Variants in FANCI observed in about 807,000 individuals in gnomAD.
FANCI encodes the protein Fanconi anemia group I protein.
FANCI carries 156 observed loss-of-function variants against 176.1 expected under a neutral mutation model. The observed-to-expected ratio is 0.89, with a 90% CI of 0.78 to 1.01. The LOEUF (loss-of-function observed/expected upper bound fraction) is 1.01, where lower values mean the gene tolerates loss of function less well. FANCI is among the 50% of genes least tolerant of loss of function. FANCI has a pLI of 0.00. For synonymous variants in FANCI, 613 were observed against 541.7 expected, an observed-to-expected ratio of 1.13 and a Z score of -1.83; for missense variants, 1,678 against 1,534.1, an observed-to-expected ratio of 1.09 and a Z score of -1.57.
chr15:89,308,061 G>A (rs996859049), intron 34 of FANCI: 3 of 1,133,646 alleles, frequency 2.6e-6, no homozygotes, highest in Middle Eastern at 4.0e-4. Context: ...TGCAGTGAGG[G>A]CACTTTCAGG....
intron 14 of FANCI, 53 bp from the exon 15 acceptor site, chr15:89,281,117 T>A: frequency 6.3e-7 from 1 of 1,586,584 alleles, no homozygotes; most frequent in Non-Finnish European, 8.6e-7. Flanking sequence ...TTTTCTTTTA[T>A]TTCAGTTATC....
chr15:89,292,723 C>T lies in FANCI; in HGVS notation c.2028C>T (p.Ala676=), dbSNP rs16942969. 6.2e-3 allele frequency: 9,932 copies of T among 1,613,680 alleles called. 467 individuals are homozygous for T. In the African/African-American group the frequency reaches 0.11, roughly 17 times the overall value. The change falls in exon 21 of 38, where the codon GCC becomes GCT. Residue 676 remains alanine (A), a synonymous_variant. Transcript: ENST00000310775. ...YLLCCIQHCL[A]WYKNTVIPLQ... ...TGTGTTGTATTCAGCATTGTTTGGCCTGGTATAAGAATACAGTCATACCCT... is the reference window on the plus strand; with the variant it reads ...TGTGTTGTATTCAGCATTGTTTGGCTTGGTATAAGAATACAGTCATACCCT...
chr15:89,245,104 T>A (rs1596199618), intron 1 of FANCI: 1 of 152,140 alleles, frequency 6.6e-6, no homozygotes, highest in Non-Finnish European at 1.5e-5. Flanking sequence ...TAAGAGAGTT[T>A]ACTGGTGCCA....
intron 12 of FANCI, among the ~76,000 whole-genome samples, chr15:89,275,025 C>T (rs1298586019): frequency 6.6e-6 from 1 of 151,854 alleles, no homozygotes; most frequent in Non-Finnish European, 1.5e-5. Context: ...AAGTGATGCT[C>T]CCACCTCAGT....
intron 34 of FANCI, 89 bp from the exon 35 acceptor site, chr15:89,312,815 T>TA: frequency 2.2e-6 from 2 of 893,726 alleles, no homozygotes; most frequent in Non-Finnish European, 3.3e-6. Context: ...AAGCTCTGTC[T>TA]TAAAAAAAAA....
intron 1 of FANCI, among the ~76,000 whole-genome samples, chr15:89,246,763 C>CTTTTTTT (rs35104299): frequency 1.1e-3 from 130 of 113,946 alleles, no homozygotes; most frequent in Non-Finnish European, 1.3e-3. Flanking sequence ...TTCTTCCTTT[C>CTTTTTTT]TTTTTTTTTT....
intron 17 of FANCI, 48 bp downstream of exon 17, chr15:89,283,298 G>A (rs746167515): frequency 9.3e-6 from 15 of 1,611,976 alleles, no homozygotes; most frequent in Non-Finnish European, 1.3e-5. Context: ...TCATTCATGT[G>A]CATCGATGAA....
In FANCI at chr15:89,293,943, G is replaced by A. The variant is rs2054160517; in HGVS notation, c.2402G>A (p.Ser801Asn). The A allele has an allele frequency of 1.2e-6, 2 of 1,614,042 alleles. No homozygotes were observed. The highest frequency in any genetic ancestry group is 8.5e-7 in the Non-Finnish European group (1 of 1,180,026). ...AAAACTAAAATGGCCAACAAGACAAGTGATAGTCTTTTGTCCATGAAATTT... is the reference window on the plus strand; with the variant it reads ...AAAACTAAAATGGCCAACAAGACAAATGATAGTCTTTTGTCCATGAAATTT... ...KAKTKMANKT[S>N]DSLLSMKFVS... The change falls in exon 23 of 38, where the codon AGT becomes AAT. Residue 801 changes from serine to asparagine, a missense_variant. Transcript: ENST00000310775.
In FANCI at chr15:89,316,379, A is replaced by C. The variant is rs764018293; in HGVS notation, c.3925-18A>C. On this transcript the variant is annotated intron_variant, in intron 37 of 37. Transcript: ENST00000310775. ...AGCAGGTTTATCACGTTAGAGCATT[A>C]ATTCTTTCCCCTTCTAGGGCACTGC... is the stretch of plus-strand genomic sequence containing the variant. 2 of 1,608,036 alleles carry C rather than the reference A, an allele frequency of 1.2e-6. No homozygotes were observed. The highest frequency in any genetic ancestry group is 2.2e-5 in the South Asian group (2 of 90,070).
Position 89,295,113 on chromosome 15 carries a change from T to G in FANCI, c.2636+19T>G. ...TAACTCGGTAAGCCACTCCCACCCC[T>G]TAGAAACTTATTCCACTTGGCTGTG... is the stretch of plus-strand genomic sequence containing the variant. On this transcript the variant is annotated intron_variant, in intron 24 of 37. Transcript: ENST00000310775. 2 of 1,548,166 alleles carry G rather than the reference T, an allele frequency of 1.3e-6. No individual in the cohort carries two copies. The highest frequency in any genetic ancestry group is 1.7e-6 in the Non-Finnish European group (2 of 1,146,120).
At chr15:89,270,717 A>G (rs1285132675) in intron 10 of FANCI, among the ~76,000 whole-genome samples, 1 of 152,122 alleles carries the variant, frequency 6.6e-6, no homozygotes, top group Middle Eastern at 3.2e-3. Context: ...TACTGTCATT[A>G]TTTGTTTTGA....
chr15:89,260,387 G>A (rs373267179), intron 3 of FANCI, among the ~76,000 whole-genome samples: 13 of 152,146 alleles, frequency 8.5e-5, no homozygotes, highest in African/African-American at 2.7e-4. Context: ...TTTAAAGAAC[G>A]ATTGCAGAAG....
rs753955677 is a variant in FANCI, at chr15:89,316,845, T to C, written c.*386T>C. 1.3e-6 allele frequency: 2 copies of C among 1,580,124 alleles called. No homozygotes were observed. Among genetic ancestry groups the C allele is most frequent in the East Asian group, 4.5e-5 (2 of 44,714 alleles). On this transcript the variant is annotated 3_prime_UTR_variant, in exon 38 of 38. Transcript: ENST00000310775. The stretch of plus-strand genomic sequence containing the variant: ...CGCTTCACCTGAAAGATAGTGCAAA[T>C]TGGTTAGGATGCCACCTCAAGAACT...
chr15:89,298,723 A>G (rs1011479089), intron 24 of FANCI, among the ~76,000 whole-genome samples: 7 of 152,230 alleles, frequency 4.6e-5, no homozygotes, highest in African/African-American at 1.7e-4. Context: ...TCAGGAAAAG[A>G]GAAGACACAT....
At chr15:89,297,854 C>T (rs1007488237) in intron 24 of FANCI, among the ~76,000 whole-genome samples, 1 of 151,452 alleles carries the variant, frequency 6.6e-6, no homozygotes, top group Non-Finnish European at 1.5e-5. Flanking sequence ...GCAGTGTTGC[C>T]CAGGCTGGCC....
intron 13 of FANCI, 43 bp from the exon 14 acceptor site, chr15:89,278,644 G>A (rs778086194): frequency 6.7e-7 from 1 of 1,502,144 alleles, no homozygotes. Context: ...CTTAAAAGCT[G>A]AAGGGTCACC....
intron 14 of FANCI, among the ~76,000 whole-genome samples, chr15:89,280,371 A>G (rs1249956636): frequency 6.6e-6 from 1 of 152,032 alleles, no homozygotes; most frequent in Non-Finnish European, 1.5e-5. Context: ...AGTTGATCCC[A>G]CCCTACCTTT....
In FANCI at chr15:89,301,315, T is replaced by G. The variant is rs746117492; in HGVS notation, c.2890-11T>G. Reference sequence around the variant, plus strand: ...CTAACATTGCTTGCTGTGTGTGCCTTCCTTTCTCAGAGGTCCTTGTTGAAT... The same window carrying G: ...CTAACATTGCTTGCTGTGTGTGCCTGCCTTTCTCAGAGGTCCTTGTTGAAT... On this transcript the variant is annotated splice_polypyrimidine_tract_variant and intron_variant, in intron 26 of 37. Transcript: ENST00000310775. The G allele has an allele frequency of 6.3e-7, 1 of 1,588,350 alleles. No individual in the cohort carries two copies. The highest frequency in any genetic ancestry group is 1.3e-5 in the African/African-American group (1 of 74,386).
chr15:89,254,497 A>C (rs959064382), intron 2 of FANCI, among the ~76,000 whole-genome samples: 1 of 152,212 alleles, frequency 6.6e-6, no homozygotes, highest in Admixed American at 6.5e-5. Flanking sequence ...TAAGTTCAAT[A>C]ATGAACCATT....
Sources: allele counts gnomAD v4.1 joint callset (sites outside exome capture counted in the v4.1 genomes callset), GRCh38; gene constraint gnomAD v4.1.1; transcripts MANE v1.5; gene names NCBI Gene and HGNC (gene_info 2026-07-23, HGNC 2026-07-21).